Variants in ODAD1 observed in about 807,000 individuals in gnomAD.
ODAD1 encodes outer dynein arm-docking complex subunit 1.
Under a neutral mutation model 67.2 loss-of-function variants are expected in ODAD1, and 49 were observed. The ratio of observed to expected loss-of-function variants is 0.73; its 90% CI spans 0.58 to 0.92. The LOEUF (loss-of-function observed/expected upper bound fraction) is 0.92, where lower values mean the gene tolerates loss of function less well. ODAD1 is among the 40% of genes least tolerant of loss of function. The pLI is 0.00. For missense variants in ODAD1, 897 were observed against 953.7 expected (o/e 0.94, Z 0.78); for synonymous variants, 345 against 393.7 (o/e 0.88, Z 1.46).
Position 48,298,286 on chromosome 19 carries a change from A to T in ODAD1, c.1295T>A (p.Leu432His). 6.2e-7 allele frequency: 1 copy of T among 1,614,126 alleles called. No homozygotes were observed. The highest frequency in any genetic ancestry group is 8.5e-7 in the Non-Finnish European group (1 of 1,179,968). Residue 432 changes from leucine (L) to histidine (H), a missense_variant, in exon 13 of 16, where the codon CTC (leucine) becomes CAC (histidine). Transcript: ENST00000674294. ...TCCCATGCTGGTCTTGACCCCAAGGAGGTCATCGATCATGCTGCTGTCGCA... is the reference window on the plus strand; with the variant it reads ...TCCCATGCTGGTCTTGACCCCAAGGTGGTCATCGATCATGCTGCTGTCGCA... ...AHCDSSMIDD[L>H]LGVKTSMGDR... is the part of the protein sequence containing the mutation.
chr19:48,303,171 G>T, intron 10 of ODAD1, 76 bp from the exon 11 acceptor site: 1 of 1,157,630 alleles, frequency 8.6e-7, no homozygotes, highest in Non-Finnish European at 1.3e-6. Context: ...GAGACAGAGA[G>T]GCATACAGAA....
intron 12 of ODAD1, 40 bp downstream of exon 12, chr19:48,302,654 G>A (rs755110860): frequency 1.3e-6 from 2 of 1,563,308 alleles, no homozygotes; most frequent in East Asian, 2.2e-5. Context: ...CTTCCAAGTG[G>A]AGAAGCCAGG....
intron 15 of ODAD1, 34 bp from the exon 16 acceptor site, chr19:48,297,552 C>G (rs1968332076): frequency 6.3e-7 from 1 of 1,596,928 alleles, no homozygotes; most frequent in Non-Finnish European, 8.5e-7. Flanking sequence ...CCGACACACA[C>G]TGAGGCCTGG....
Position 48,302,837 on chromosome 19 carries a change from C to A in ODAD1, c.1097G>T (p.Arg366Leu), listed in dbSNP as rs35361179. Residue 366 changes from arginine to leucine, a missense_variant, in exon 12 of 16, where the codon CGT (arginine) becomes CTT (leucine). Transcript: ENST00000674294. ...CAAATGCTGGTCATCCTTGCTGGCACGTGCGCTCACCAAAGCCTCCTGCAT... is the reference window on the plus strand; with the variant it reads ...CAAATGCTGGTCATCCTTGCTGGCAAGTGCGCTCACCAAAGCCTCCTGCAT... ...KEMQEALVSA[R>L]ASKDDQHLLQ... is the part of the protein sequence containing the mutation. 6.2e-7 allele frequency: 1 copy of A among 1,613,992 alleles called. No homozygotes were observed. The highest frequency in any genetic ancestry group is 1.1e-5 in the South Asian group (1 of 91,082).
intron 12 of ODAD1, among the ~76,000 whole-genome samples, chr19:48,300,511 A>C (rs770335584): frequency 1.2e-3 from 186 of 152,158 alleles, no homozygotes; most frequent in Admixed American, 3.0e-3. Flanking sequence ...CAAAGTCATT[A>C]ACTACAAAAA....
At chr19:48,310,503 T>C (rs1968728377) in intron 7 of ODAD1, among the ~76,000 whole-genome samples, 2 of 152,212 alleles carry the variant, frequency 1.3e-5, no homozygotes, top group African/African-American at 4.8e-5. Context: ...TTAACCTCCC[T>C]GACTTGGATA....
chr19:48,307,764 G>A (rs1020617620), intron 7 of ODAD1, among the ~76,000 whole-genome samples: 1 of 149,602 alleles, frequency 6.7e-6, no homozygotes, highest in Non-Finnish European at 1.5e-5. Context: ...GCAGTGAGCC[G>A]AGATCATGCC....
chr19:48,316,327 T>C lies in ODAD1; in HGVS notation c.360+2060A>G, dbSNP rs369035717. 4.0e-5 allele frequency among the ~76,000 whole-genome samples: 6 copies of C among 151,520 alleles called. No homozygotes were observed. In the East Asian group the frequency reaches 9.7e-4, roughly 25 times the overall value. On this transcript the variant is annotated intron_variant, in intron 5 of 15. Coordinates refer to ENST00000674294, the MANE Select transcript of ODAD1 (RefSeq NM_001364171.2). ...CCCAGGAGACAGAGGTTGCAGTGAG[T>C]TGACATTGTGCCATTGCACTCCAGC...
intron 3 of ODAD1, 120 bp from the exon 4 acceptor site, chr19:48,318,932 C>T: frequency 3.1e-6 from 2 of 645,516 alleles, no homozygotes; most frequent in Admixed American, 2.4e-5. Flanking sequence ...ACTGCAGATC[C>T]AGCCCCCAAC....
Position 48,318,527 on chromosome 19 carries a change from T to G in ODAD1, c.220A>C (p.Ile74Leu). The G allele has an allele frequency of 6.4e-7, 1 of 1,551,576 alleles. No individual in the cohort carries two copies. Among genetic ancestry groups the G allele is most frequent in the Non-Finnish European group, 8.7e-7 (1 of 1,146,966 alleles). ...EEVRGDLQVQ[I>L]SAAQNQVKRL... ...TTGACCTGGTTCTGGGCTGCGCTGA[T>G]CTGCACCTGGAGATCGCCCCGTACC... The change falls in exon 5 of 16, where the codon ATC becomes CTC. Residue 74 changes from isoleucine (I) to leucine (L), a missense_variant. Physicochemically the swap from Ile to Leu is conservative, Grantham distance 5. Coordinates refer to ENST00000674294, the MANE Select transcript of ODAD1 (RefSeq NM_001364171.2).
intron 8 of ODAD1, 100 bp from the exon 9 acceptor site, chr19:48,304,240 G>A: frequency 8.1e-7 from 1 of 1,240,496 alleles, no homozygotes. Context: ...TGGGGGGTGA[G>A]GTGGAGTCAG....
rs1480314567 is a variant in ODAD1 at position 48,298,197 on chromosome 19, G to A, written c.1384C>T (p.Gln462Ter). Residue 462 changes from glutamine (Q) to a stop codon, truncating the protein, a stop_gained, in exon 13 of 16, where the codon CAG becomes TAG. Transcript: ENST00000674294. LOFTEE classifies it high-confidence loss of function. ...CCCACCTGGGCATGTAGGAAGGCCT[G>A]CACTGTCAGGAGCTCCACCAGCCGC... ...EKRLVELLTV[Q>*]AFLHAQSFTS... 3 of 1,613,212 alleles carry A rather than the reference G, an allele frequency of 1.9e-6. No individual in the cohort carries two copies. Among genetic ancestry groups the A allele is most frequent in the Non-Finnish European group, 2.5e-6 (3 of 1,179,998 alleles).
chr19:48,314,094 T>G (rs1968838287), intron 5 of ODAD1, among the ~76,000 whole-genome samples: 1 of 151,408 alleles, frequency 6.6e-6, no homozygotes, highest in African/African-American at 2.4e-5. Context: ...CATACAAAAA[T>G]TAGCCAGGTG....
intron 5 of ODAD1, among the ~76,000 whole-genome samples, chr19:48,314,097 G>T (rs1968838334): frequency 6.6e-6 from 1 of 152,094 alleles, no homozygotes; most frequent in Non-Finnish European, 1.5e-5. Context: ...ACAAAAATTA[G>T]CCAGGTGTGG....
chr19:48,313,924 GCA>G, intron 5 of ODAD1, among the ~76,000 whole-genome samples: 1 of 151,912 alleles, frequency 6.6e-6, no homozygotes, highest in South Asian at 2.1e-4. Flanking sequence ...ACATAGATAC[GCA>G]CACAGGGAGA....
chr19:48,313,301 A>C (rs912941415), intron 5 of ODAD1, among the ~76,000 whole-genome samples: 1 of 151,642 alleles, frequency 6.6e-6, no homozygotes, highest in Non-Finnish European at 1.5e-5. Context: ...GGTGGCAGGC[A>C]CCTGTAATCC....
intron 5 of ODAD1, among the ~76,000 whole-genome samples, chr19:48,316,925 G>A (rs1299155926): frequency 6.6e-6 from 1 of 152,058 alleles, no homozygotes; most frequent in Non-Finnish European, 1.5e-5. Context: ...CTTGAACCTG[G>A]GAGGTGGAGG....
intron 5 of ODAD1, among the ~76,000 whole-genome samples, chr19:48,314,812 G>A (rs147590791): frequency 1.6e-4 from 25 of 151,998 alleles, no homozygotes; most frequent in Admixed American, 3.9e-4. Context: ...GTAATGGCAC[G>A]TGACTGTAAT....
chr19:48,306,636 T>C (rs1482367689), intron 7 of ODAD1, among the ~76,000 whole-genome samples: 1 of 152,208 alleles, frequency 6.6e-6, no homozygotes, highest in Non-Finnish European at 1.5e-5. Context: ...CCTTTTGGAA[T>C]AGTTTGATTT....
Sources: gnomAD v4.1 joint callset for allele counts (sites outside exome capture counted in the v4.1 genomes callset) on GRCh38, gnomAD v4.1.1 for gene constraint, MANE v1.5 for transcripts, NCBI Gene and HGNC (gene_info 2026-07-23, HGNC 2026-07-21) for gene names.